DPP6: variants seen among roughly 807,000 people sequenced by gnomAD.
DPP6 encodes the protein A-type potassium channel modulatory protein DPP6.
In DPP6, 69 loss-of-function variants were observed where a neutral mutation model predicts 122.6. The ratio of observed to expected loss-of-function variants is 0.56; its 90% CI spans 0.46 to 0.69. The LOEUF is 0.69. DPP6 is among the 30% of genes least tolerant of loss of function. The pLI is 0.00. For missense variants in DPP6, 928 were observed against 1,116.9 expected, an observed-to-expected ratio of 0.83 and a Z score of 2.41; for synonymous variants, 418 against 433.1, an observed-to-expected ratio of 0.97 and a Z score of 0.43.
Position 154,403,027 on chromosome 7 carries a change from CAG to C in DPP6, c.244-43183_244-43182del, listed in dbSNP as rs1815772151. On this transcript the variant is annotated intron_variant, in intron 1 of 25. Transcript: ENST00000377770. This position sits in a 1 kb window ranked among gnomAD's most constrained non-coding sequence, Gnocchi z 4.1. ...TTGCCCAAGATTATGATGTGTAAAA[CAG>C]AGATGCTAATAGCTAATTATCAGAG... 6.6e-6 allele frequency among the ~76,000 whole-genome samples: 1 copy of C among 152,200 alleles called. No individual in the cohort carries two copies. The highest frequency in any genetic ancestry group is 1.5e-5 in the Non-Finnish European group (1 of 68,026).
chr7:154,466,489 C>G (rs568647564), intron 2 of DPP6, among the ~76,000 whole-genome samples: 3 of 152,186 alleles, frequency 2.0e-5, no homozygotes, highest in Non-Finnish European at 4.4e-5. Flanking sequence ...TTGCTGTATC[C>G]TCTCCCTGCT....
chr7:154,621,515 C>T (rs1033401661), intron 5 of DPP6, among the ~76,000 whole-genome samples: 11 of 151,842 alleles, frequency 7.2e-5, no homozygotes, highest in Non-Finnish European at 4.4e-5. Context: ...ATTACAGGCT[C>T]ATGCCACCAC....
chr7:153,946,129 G>C (rs1563035896), intron 1 of DPP6, among the ~76,000 whole-genome samples: 1 of 152,222 alleles, frequency 6.6e-6, no homozygotes, highest in Non-Finnish European at 1.5e-5. Context: ...GTCCAGACCT[G>C]AAGAGAAGGT....
chr7:154,213,935 C>T (rs1041081398), intron 1 of DPP6, among the ~76,000 whole-genome samples: 28 of 152,188 alleles, frequency 1.8e-4, no homozygotes, highest in Non-Finnish European at 3.1e-4. Flanking sequence ...ACTCTCCTCC[C>T]TGCTCACCAG....
chr7:153,829,427 G>A, the DPP6 span, among the ~76,000 whole-genome samples: 1 of 152,038 alleles, frequency 6.6e-6, no homozygotes, highest in African/African-American at 2.4e-5. Context: ...TGTTGGTCAG[G>A]CTGGTCTCCA....
Position 154,603,780 on chromosome 7 carries a change from A to G in DPP6, c.628-34041A>G, listed in dbSNP as rs572220924. ...TAATGTTAAGAAGTAGAAGTCAGAC[A>G]TAAAAGAATAAAACTATGATGGTTC... On this transcript the variant is annotated intron_variant, in intron 5 of 25. Coordinates refer to ENST00000377770, the MANE Select transcript of DPP6 (RefSeq NM_130797.4). 5.9e-5 allele frequency among the ~76,000 whole-genome samples: 7 copies of G among 118,924 alleles called. 2 individuals are homozygous for G. Among genetic ancestry groups the G allele is most frequent in the African/African-American group, 1.9e-4 (7 of 37,482 alleles). The allele number at this position is 118,924 out of a possible 152,430, so 78.0% of individuals were successfully genotyped here. A position where few individuals can be genotyped will look rare whatever the true frequency, so the allele number is the denominator to read the frequency against.
chr7:154,107,829 G>A (rs549003478), intron 1 of DPP6, among the ~76,000 whole-genome samples: 2 of 152,246 alleles, frequency 1.3e-5, no homozygotes, highest in African/African-American at 4.8e-5. Flanking sequence ...TGGAGCTCTG[G>A]ATGCTGATCA....
intron 4 of DPP6, among the ~76,000 whole-genome samples, chr7:154,544,549 G>A (rs1218452357): frequency 6.6e-6 from 1 of 152,202 alleles, no homozygotes; most frequent in Non-Finnish European, 1.5e-5. Flanking sequence ...CAATAGAGTT[G>A]AGCAGTTTTC....
intron 16 of DPP6, among the ~76,000 whole-genome samples, chr7:154,835,319 C>G (rs971523893): frequency 1.1e-4 from 17 of 152,168 alleles, no homozygotes; most frequent in Non-Finnish European, 2.1e-4. Flanking sequence ...TGATGGCCCC[C>G]ACCAGAAGCT....
intron 10 of DPP6, among the ~76,000 whole-genome samples, chr7:154,789,049 C>T (rs1170256065): frequency 6.6e-6 from 1 of 152,080 alleles, no homozygotes; most frequent in Non-Finnish European, 1.5e-5. Flanking sequence ...ACCATTTGAC[C>T]CTCACAGTTC....
chr7:154,107,642 A>G (rs1022520543), intron 1 of DPP6, among the ~76,000 whole-genome samples: 2 of 152,250 alleles, frequency 1.3e-5, no homozygotes, highest in Non-Finnish European at 2.9e-5. Flanking sequence ...AGCATTCCAT[A>G]TGTGTATATG....
chr7:154,741,295 C>G (rs1399646016), intron 8 of DPP6, among the ~76,000 whole-genome samples: 1 of 152,250 alleles, frequency 6.6e-6, no homozygotes, highest in Non-Finnish European at 1.5e-5. Context: ...CACCCTGAGT[C>G]AAGTCCCAGA....
chr7:154,108,141 G>A (rs1357885562), intron 1 of DPP6, among the ~76,000 whole-genome samples: 3 of 152,132 alleles, frequency 2.0e-5, no homozygotes, highest in South Asian at 4.1e-4. Flanking sequence ...GATTCATGGC[G>A]CCAAAGGATG....
the DPP6 span, among the ~76,000 whole-genome samples, chr7:153,814,376 A>G: frequency 4.0e-5 from 4 of 101,040 alleles, no homozygotes; most frequent in South Asian, 3.4e-4. Flanking sequence ...TAAATTCCTC[A>G]ACACATACAC....
chr7:153,795,176 G>A, the DPP6 span, among the ~76,000 whole-genome samples: 3 of 152,204 alleles, frequency 2.0e-5, no homozygotes, highest in East Asian at 3.8e-4. Flanking sequence ...TAGCACTTTG[G>A]CAGGCCGAGG....
chr7:154,032,944 T>C (rs191481653), intron 1 of DPP6, among the ~76,000 whole-genome samples: 8 of 151,492 alleles, frequency 5.3e-5, no homozygotes, highest in African/African-American at 1.9e-4. Context: ...AAGGTGGCTT[T>C]ATATACCTGT....
intron 1 of DPP6, among the ~76,000 whole-genome samples, chr7:154,304,690 A>T (rs535897075): frequency 2.7e-5 from 4 of 150,206 alleles, no homozygotes; most frequent in African/African-American, 9.8e-5. Context: ...AAGTTTTCTG[A>T]ATTTTGAGGA....
At chr7:154,008,276 C>T (rs540966870) in intron 1 of DPP6, among the ~76,000 whole-genome samples, 3 of 152,252 alleles carry the variant, frequency 2.0e-5, no homozygotes, top group East Asian at 1.9e-4. Context: ...TCAGCTCTGG[C>T]GCCAGGGCTG....
At chr7:154,763,624 C>T (rs1038987447) in intron 8 of DPP6, among the ~76,000 whole-genome samples, 6 of 152,178 alleles carry the variant, frequency 3.9e-5, no homozygotes, top group African/African-American at 1.4e-4. Flanking sequence ...CTTGGCCTTT[C>T]CTCACCCAGA....
Sources: gnomAD v4.1 joint callset for allele counts (sites outside exome capture counted in the v4.1 genomes callset) on GRCh38, gnomAD v4.1.1 for gene constraint, Gnocchi (gnomAD v3.1) non-coding constraint, MANE v1.5 for transcripts, NCBI Gene and HGNC (gene_info 2026-07-23, HGNC 2026-07-21) for gene names.